FAT3: variants seen among roughly 807,000 people sequenced by gnomAD.
FAT3 encodes the protein FAT atypical cadherin 3.
Under a neutral mutation model 310.2 loss-of-function variants are expected in FAT3, and 95 were observed. That is an observed-to-expected ratio of 0.31 (90% confidence interval 0.26 to 0.36). The LOEUF is 0.36. Among genes scored for constraint, FAT3 ranks in the 10% least tolerant of loss-of-function variants. The pLI, the probability that FAT3 is intolerant of heterozygous loss-of-function variation, is 1.00. For synonymous variants in FAT3, 2,314 were observed against 2,192.9 expected, an observed-to-expected ratio of 1.06 and a Z score of -1.54; for missense variants, 5,408 against 5,715.6, an observed-to-expected ratio of 0.95 and a Z score of 1.74.
chr11:92,827,121 AC>A (rs2136246957), intron 13 of FAT3, among the ~76,000 whole-genome samples: 1 of 152,276 alleles, frequency 6.6e-6, no homozygotes, highest in South Asian at 2.1e-4. Flanking sequence ...TGATCCTCTC[AC>A]TGGGGGTTAT....
chr11:92,404,565 T>A (rs907862332), intron 2 of FAT3, among the ~76,000 whole-genome samples: 39 of 151,618 alleles, frequency 2.6e-4, no homozygotes, highest in Non-Finnish European at 5.2e-4. Flanking sequence ...GTCACCATGG[T>A]ACAATATGGC....
Position 92,893,781 on chromosome 11 carries a change from T to C in FAT3, c.*2668T>C, listed in dbSNP as rs1949966506. 1.3e-5 allele frequency: 2 copies of C among 152,212 alleles called. No homozygotes were observed. Among genetic ancestry groups the C allele is most frequent in the South Asian group, 4.1e-4 (2 of 4,836 alleles). 9.4% of individuals were successfully genotyped at this position (152,212 alleles called of 1,614,324 possible). On this transcript the variant is annotated 3_prime_UTR_variant, in exon 28 of 28. Coordinates refer to ENST00000525166, the MANE Select transcript of FAT3 (RefSeq NM_001367949.2). ...TTTAAACACATGATATCTCTTCACT[T>C]TTTGGAAAGTTAGATTTCTCTGTAG...
At chr11:92,412,152 G>C (rs1381110612) in intron 2 of FAT3, among the ~76,000 whole-genome samples, 1 of 152,004 alleles carries the variant, frequency 6.6e-6, no homozygotes, top group Admixed American at 6.6e-5. Flanking sequence ...CGCCAGGCTG[G>C]AGCGTAGTGG....
At chr11:92,598,088 G>A (rs922206920) in intron 3 of FAT3, among the ~76,000 whole-genome samples, 2 of 151,482 alleles carry the variant, frequency 1.3e-5, no homozygotes, top group African/African-American at 4.9e-5. Flanking sequence ...GTACCAGGTG[G>A]GTGTTCACCC....
chr11:92,536,880 A>T (rs1478792844), intron 3 of FAT3, among the ~76,000 whole-genome samples: 2 of 152,186 alleles, frequency 1.3e-5, no homozygotes, highest in Non-Finnish European at 2.9e-5. Flanking sequence ...CAAGAGTAAA[A>T]TTATATGACA....
intron 2 of FAT3, among the ~76,000 whole-genome samples, chr11:92,506,724 T>C (rs1953111575): frequency 6.6e-6 from 1 of 152,140 alleles, no homozygotes; most frequent in Non-Finnish European, 1.5e-5. Context: ...GGGGAAAAAT[T>C]ATCATGATTT....
At chr11:92,497,631 G>A (rs919327984) in intron 2 of FAT3, among the ~76,000 whole-genome samples, 2 of 151,996 alleles carry the variant, frequency 1.3e-5, no homozygotes, top group African/African-American at 2.4e-5. Flanking sequence ...TTTATGATAT[G>A]ACATCATCTG....
intron 4 of FAT3, among the ~76,000 whole-genome samples, chr11:92,718,374 G>A (rs957070522): frequency 1.3e-5 from 2 of 152,088 alleles, no homozygotes; most frequent in African/African-American, 2.4e-5. Flanking sequence ...ATGGTGGGTG[G>A]GGGTAGGACT....
At chr11:92,583,498 C>T (rs968253313) in intron 3 of FAT3, among the ~76,000 whole-genome samples, 3 of 151,970 alleles carry the variant, frequency 2.0e-5, no homozygotes, top group African/African-American at 7.2e-5. Context: ...TAATCTGTCT[C>T]CAGGAACCTT....
At chr11:92,644,296 T>G (rs1447988596) in intron 3 of FAT3, among the ~76,000 whole-genome samples, 1 of 152,264 alleles carries the variant, frequency 6.6e-6, no homozygotes, top group African/African-American at 2.4e-5. Flanking sequence ...GTTGCAGGTC[T>G]GAGGGTTCCC....
At chr11:92,511,584 G>C (rs1380916255) in intron 2 of FAT3, among the ~76,000 whole-genome samples, 1 of 152,208 alleles carries the variant, frequency 6.6e-6, no homozygotes, top group East Asian at 1.9e-4. Flanking sequence ...GGAGCTCACA[G>C]TAGGATGGTA....
At chr11:92,495,974 A>C (rs1952745226) in intron 2 of FAT3, among the ~76,000 whole-genome samples, 1 of 152,058 alleles carries the variant, frequency 6.6e-6, no homozygotes, top group South Asian at 2.1e-4. Context: ...TAACCTGCAA[A>C]ATCTTTACTA....
intron 2 of FAT3, among the ~76,000 whole-genome samples, chr11:92,440,373 C>T (rs1301912234): frequency 6.6e-6 from 1 of 152,174 alleles, no homozygotes; most frequent in African/African-American, 2.4e-5. Flanking sequence ...TTTGTAACAT[C>T]CTGCAGATTT....
chr11:92,282,504 A>G (rs2134368252), intron 1 of FAT3, among the ~76,000 whole-genome samples: 1 of 152,156 alleles, frequency 6.6e-6, no homozygotes, highest in East Asian at 2.0e-4. Context: ...ATCTCTACTA[A>G]AAAGTACAAA....
intron 3 of FAT3, among the ~76,000 whole-genome samples, chr11:92,636,996 C>T (rs1471351305): frequency 1.3e-5 from 2 of 152,214 alleles, no homozygotes; most frequent in Non-Finnish European, 2.9e-5. Context: ...GTTCCTTCAT[C>T]CTCCTCCAAC....
chr11:92,267,537 A>G (rs1023972512), intron 1 of FAT3, among the ~76,000 whole-genome samples: 5 of 151,818 alleles, frequency 3.3e-5, no homozygotes, highest in Non-Finnish European at 5.9e-5. Context: ...TAGCTTTTAG[A>G]AGGGAGCAGC....
At chr11:92,835,190 C>T (rs1948374504) in intron 15 of FAT3, 106 bp downstream of exon 15, 1 of 869,332 alleles carries the variant, frequency 1.2e-6, no homozygotes, top group South Asian at 1.9e-5. Context: ...ACACTTCCCC[C>T]TTTCAGTGTC....
At chr11:92,400,455 G>A (rs1382883293) in intron 2 of FAT3, 2 of 152,106 alleles carry the variant, frequency 1.3e-5, no homozygotes, top group African/African-American at 4.8e-5. Flanking sequence ...AATGAGAAAT[G>A]GCGAGTATTG....
At chr11:92,739,682 G>A (rs984178424) in intron 4 of FAT3, among the ~76,000 whole-genome samples, 2 of 152,212 alleles carry the variant, frequency 1.3e-5, no homozygotes, top group Non-Finnish European at 2.9e-5. Context: ...CATAGAATGA[G>A]ATTTTTCAGG....
Sources: gnomAD v4.1 joint callset for allele counts (sites outside exome capture counted in the v4.1 genomes callset) on GRCh38, gnomAD v4.1.1 for gene constraint, MANE v1.5 for transcripts, NCBI Gene and HGNC (gene_info 2026-07-23, HGNC 2026-07-21) for gene names.